Variants in TTC28 observed in about 807,000 individuals in gnomAD.
The protein encoded by TTC28 is tetratricopeptide repeat domain 28, also known as tetratricopeptide repeat protein 28.
TTC28 carries 61 observed loss-of-function variants against 198.0 expected under a neutral mutation model. That is an observed-to-expected ratio of 0.31 (90% confidence interval 0.25 to 0.38). The LOEUF (loss-of-function observed/expected upper bound fraction) is 0.38, where lower values mean the gene tolerates loss of function less well. TTC28 is among the 10% of genes least tolerant of loss of function. TTC28 has a pLI of 1.00. For missense variants in TTC28, 2,678 were observed against 3,164.0 expected (o/e 0.85, Z 3.69); for synonymous variants, 1,171 against 1,297.8 (o/e 0.90, Z 2.10).
chr22:28,412,636 C>T (rs1298228647), intron 2 of TTC28, among the ~76,000 whole-genome samples: 4 of 152,208 alleles, frequency 2.6e-5, no homozygotes, highest in Admixed American at 2.6e-4. Flanking sequence ...ACCCTTCTTC[C>T]ATTTGACAAA....
In TTC28 at chr22:28,162,746, C is replaced by T. The variant is rs552063109; in HGVS notation, c.1441+346G>A. Reference sequence around the variant, plus strand: ...GGAGGATCGCTTGAGCCCAGGAGTTCGAGACCAGCCTGGGCAACATAAGAA... The same window carrying T: ...GGAGGATCGCTTGAGCCCAGGAGTTTGAGACCAGCCTGGGCAACATAAGAA... On this transcript the variant is annotated intron_variant, in intron 6 of 22. Transcript: ENST00000397906. Among the ~76,000 whole-genome samples, 38 of 152,176 alleles carry T rather than the reference C, an allele frequency of 2.5e-4. 1 individual carries two copies. In the Middle Eastern group the frequency reaches 0.014, roughly 54 times the overall value.
intron 2 of TTC28, among the ~76,000 whole-genome samples, chr22:28,531,943 C>T (rs927531421): frequency 3.3e-5 from 5 of 152,078 alleles, no homozygotes; most frequent in South Asian, 2.1e-4. Flanking sequence ...ACTAAATGCC[C>T]ACAAGAGAAA....
chr22:28,375,082 A>C (rs996573997), intron 2 of TTC28, among the ~76,000 whole-genome samples: 2 of 152,028 alleles, frequency 1.3e-5, no homozygotes, highest in African/African-American at 2.4e-5. Flanking sequence ...AACAAGACTC[A>C]AGACTCTAAT....
intron 2 of TTC28, among the ~76,000 whole-genome samples, chr22:28,553,497 G>A (rs2049730232): frequency 6.6e-6 from 1 of 150,766 alleles, no homozygotes. Flanking sequence ...GGGAGGCGAG[G>A]AGCGTCTCTG....
intron 2 of TTC28, among the ~76,000 whole-genome samples, chr22:28,393,524 T>G (rs1433464762): frequency 6.6e-6 from 1 of 151,814 alleles, no homozygotes; most frequent in Non-Finnish European, 1.5e-5. Context: ...AGACCTCATC[T>G]CCACACAAAA....
At chr22:28,249,731 G>A (rs995961042) in intron 5 of TTC28, among the ~76,000 whole-genome samples, 4 of 152,182 alleles carry the variant, frequency 2.6e-5, no homozygotes, top group Admixed American at 6.5e-5. Flanking sequence ...TCCCTGAGAC[G>A]GGCAGGCCCT....
chr22:28,582,911 A>T (rs562987283), intron 2 of TTC28, among the ~76,000 whole-genome samples: 2 of 152,338 alleles, frequency 1.3e-5, no homozygotes, highest in South Asian at 4.1e-4. Flanking sequence ...ATATGTCAGT[A>T]GCCATTTAAG....
At chr22:28,458,090 T>C (rs773400389) in intron 2 of TTC28, among the ~76,000 whole-genome samples, 3 of 152,162 alleles carry the variant, frequency 2.0e-5, no homozygotes, top group Non-Finnish European at 4.4e-5. Flanking sequence ...TTATTTTTTC[T>C]AAAATCTCAG....
chr22:28,436,589 T>A (rs2047523554), intron 2 of TTC28, among the ~76,000 whole-genome samples: 1 of 152,200 alleles, frequency 6.6e-6, no homozygotes. Context: ...AGAAACTTAG[T>A]GAGCCATGTC....
chr22:28,653,055 A>G (rs1159912415), intron 1 of TTC28, among the ~76,000 whole-genome samples: 1 of 152,188 alleles, frequency 6.6e-6, no homozygotes, highest in Admixed American at 6.6e-5. Flanking sequence ...CAAAGTTGGT[A>G]TGAAAATTAT....
chr22:28,627,421 C>T (rs2051093120), intron 2 of TTC28, among the ~76,000 whole-genome samples: 1 of 150,774 alleles, frequency 6.6e-6, no homozygotes. Flanking sequence ...GTATCACATA[C>T]AATTTTTCTT....
At chr22:28,091,542 A>T (rs139086455) in intron 12 of TTC28, among the ~76,000 whole-genome samples, 6 of 152,218 alleles carry the variant, frequency 3.9e-5, no homozygotes, top group Non-Finnish European at 8.8e-5. Context: ...GAAAAAGGGA[A>T]AGGTAGCAGG....
At chr22:28,609,538 C>T (rs375008348) in intron 2 of TTC28, among the ~76,000 whole-genome samples, 15 of 152,186 alleles carry the variant, frequency 9.9e-5, no homozygotes, top group African/African-American at 3.1e-4. Context: ...CAGTGGACTC[C>T]GGCCCAGATA....
intron 1 of TTC28, among the ~76,000 whole-genome samples, chr22:28,636,286 C>T (rs137949583): frequency 0.011 from 1,660 of 151,700 alleles, 29 homozygotes; most frequent in African/African-American, 0.038. Flanking sequence ...CCACCATGTC[C>T]GGCTAATTTT....
chr22:28,020,071 G>C (rs904333719), intron 13 of TTC28, among the ~76,000 whole-genome samples: 1 of 152,242 alleles, frequency 6.6e-6, no homozygotes, highest in Non-Finnish European at 1.5e-5. Context: ...AGGGCATCAG[G>C]CCTCCCACTT....
chr22:28,561,675 T>A (rs574959916), intron 2 of TTC28, among the ~76,000 whole-genome samples: 3 of 152,178 alleles, frequency 2.0e-5, no homozygotes, highest in Non-Finnish European at 4.4e-5. Flanking sequence ...GTGATATGGT[T>A]CCTGCCTCAA....
intron 5 of TTC28, among the ~76,000 whole-genome samples, chr22:28,217,001 G>A (rs1927456817): frequency 6.6e-6 from 1 of 152,108 alleles, no homozygotes; most frequent in African/African-American, 2.4e-5. Context: ...ACAGGCATGA[G>A]CCACCGCACC....
At chr22:28,512,479 T>G (rs1476275930) in intron 2 of TTC28, among the ~76,000 whole-genome samples, 1 of 152,218 alleles carries the variant, frequency 6.6e-6, no homozygotes, top group Non-Finnish European at 1.5e-5. Flanking sequence ...TGTATGTATA[T>G]GTTCACTGCA....
intron 5 of TTC28, among the ~76,000 whole-genome samples, chr22:28,225,918 C>T (rs1203690012): frequency 6.6e-6 from 1 of 152,202 alleles, no homozygotes. Flanking sequence ...GCTTCTTTCA[C>T]TCAACATAAT....
Sources: gnomAD v4.1 joint callset for allele counts (sites outside exome capture counted in the v4.1 genomes callset) on GRCh38, gnomAD v4.1.1 for gene constraint, MANE v1.5 for transcripts, NCBI Gene and HGNC (gene_info 2026-07-23, HGNC 2026-07-21) for gene names.